MCPH1: variants seen among roughly 807,000 people sequenced by gnomAD.
MCPH1 encodes microcephalin 1, also known as microcephalin.
A neutral mutation model predicts 84.5 loss-of-function variants in MCPH1; 104 were observed. The observed-to-expected ratio is 1.23, with a 90% CI of 1.05 to 1.45. MCPH1 has a LOEUF of 1.45. Ranked by LOEUF, MCPH1 falls within the 40% of genes most tolerant of loss-of-function variation. The probability of loss-of-function intolerance (pLI) is 0.00; values close to 1 mark genes in which losing one functional copy is unlikely to be tolerated. For missense variants in MCPH1, 1,498 were observed against 1,005.7 expected (o/e 1.49, Z -6.62); for synonymous variants, 514 against 366.8 (o/e 1.40, Z -4.58).
intron 2 of MCPH1, among the ~76,000 whole-genome samples, chr8:6,413,061 C>T (rs901306403): frequency 8.5e-5 from 13 of 152,178 alleles, no homozygotes; most frequent in African/African-American, 3.1e-4. Flanking sequence ...AAAAATTATG[C>T]AGATGAGTTC....
chr8:6,488,629 C>A (rs1037866707), intron 11 of MCPH1, among the ~76,000 whole-genome samples: 7 of 152,098 alleles, frequency 4.6e-5, no homozygotes, highest in Admixed American at 3.9e-4. Flanking sequence ...AAGGCTGCAC[C>A]TTTGCAAGAA....
intron 12 of MCPH1, among the ~76,000 whole-genome samples, chr8:6,605,949 G>C (rs1563179571): frequency 6.6e-6 from 1 of 152,044 alleles, no homozygotes; most frequent in Non-Finnish European, 1.5e-5. Flanking sequence ...TACCCCCCTT[G>C]GCCCCCCAGA....
chr8:6,437,911 A>G (rs1802913355), intron 5 of MCPH1, among the ~76,000 whole-genome samples: 1 of 152,092 alleles, frequency 6.6e-6, no homozygotes, highest in South Asian at 2.1e-4. Context: ...CTGTCTCCTT[A>G]CAGTTCATCT....
intron 12 of MCPH1, among the ~76,000 whole-genome samples, chr8:6,607,387 T>C (rs1171424158): frequency 1.3e-5 from 2 of 152,240 alleles, no homozygotes; most frequent in African/African-American, 4.8e-5. Context: ...TTTGCCTGTT[T>C]CTGTGGGTCT....
At position 6,477,572 on chromosome 8, in the gene MCPH1, CCTT is replaced by C. The variant is rs2129559419; in HGVS notation, c.1936-18_1936-16del. The C allele has an allele frequency of 6.2e-7, 1 of 1,606,894 alleles. No homozygotes were observed. The highest frequency in any genetic ancestry group is 1.3e-5 in the African/African-American group (1 of 74,748). ...TTTATGTTTTTGACTGTTTTTTGTT[CCTT>C]CTTGTTTGAAATCTCTAGCCAACAA... On this transcript the variant is annotated intron_variant, in intron 9 of 13. Coordinates refer to ENST00000344683, the MANE Select transcript of MCPH1 (RefSeq NM_024596.5).
chr8:6,439,858 A>T (rs1803243245), intron 6 of MCPH1, among the ~76,000 whole-genome samples: 1 of 152,222 alleles, frequency 6.6e-6, no homozygotes, highest in Non-Finnish European at 1.5e-5. Context: ...GTAAAAGTTC[A>T]TCTTGATACC....
rs755458876 is a variant in MCPH1 at position 6,484,390 on chromosome 8, C to T, written c.2136+3514C>T. 1.0e-3 allele frequency among the ~76,000 whole-genome samples: 152 copies of T among 152,172 alleles called. 2 individuals are homozygous for T. The highest frequency in any genetic ancestry group is 4.1e-4 in the Non-Finnish European group (28 of 68,040). ...AATGGCTAAAAGAAAAAATAACAGT[C>T]GCACTCTAGCAAGGAGCCAGGGCAG... On this transcript the variant is annotated intron_variant, in intron 11 of 13. Transcript: ENST00000344683.
chr8:6,522,590 A>G (rs1212633790), intron 12 of MCPH1, among the ~76,000 whole-genome samples: 1 of 151,986 alleles, frequency 6.6e-6, no homozygotes, highest in Non-Finnish European at 1.5e-5. Flanking sequence ...GCTGGCCAAC[A>G]TGGTGAAACC....
At chr8:6,454,992 A>C (rs1315876042) in intron 8 of MCPH1, 151 bp from the exon 9 acceptor site, 4 of 659,800 alleles carry the variant, frequency 6.1e-6, no homozygotes, top group African/African-American at 3.6e-5. Flanking sequence ...TGAAAGTTCT[A>C]GATAGATCTC....
chr8:6,619,916 G>A (rs114773034), intron 12 of MCPH1, among the ~76,000 whole-genome samples: 2,420 of 152,304 alleles, frequency 0.016, 70 homozygotes, highest in African/African-American at 0.055. Flanking sequence ...TTGAATGTAT[G>A]TGTGTCCTAC....
At chr8:6,447,124 T>C (rs1804508289) in intron 8 of MCPH1, 1 of 985,464 alleles carries the variant, frequency 1.0e-6, no homozygotes, top group African/African-American at 1.7e-5. Flanking sequence ...CACTGGGTTC[T>C]AGGACATAAA....
chr8:6,484,780 T>G (rs1413086213), intron 11 of MCPH1, among the ~76,000 whole-genome samples: 2 of 152,214 alleles, frequency 1.3e-5, no homozygotes, highest in Non-Finnish European at 2.9e-5. Context: ...TCACATGCTG[T>G]ATAAGGCCAT....
rs192777656 is a variant in MCPH1, at chr8:6,445,529, C to G, written c.1807C>G (p.Pro603Ala). Residue 603 changes from proline to alanine, a missense_variant, in exon 8 of 14, where the codon CCC becomes GCC. Pro to Ala is a conservative substitution (Grantham distance 27). Coordinates refer to ENST00000344683, the MANE Select transcript of MCPH1 (RefSeq NM_024596.5). Reference sequence around the variant, plus strand: ...GTCTACAGAAGAGAAGGAAAACTTACCCGGAGGATACAGTGGAAGTATGTG... The same window carrying G: ...GTCTACAGAAGAGAAGGAAAACTTAGCCGGAGGATACAGTGGAAGTATGTG... ...ETSTEEKENL[P>A]GGYSGSVKNR... The G allele has an allele frequency of 5.0e-6, 8 of 1,604,878 alleles. No homozygotes were observed. Among genetic ancestry groups the G allele is most frequent in the Non-Finnish European group, 6.8e-6 (8 of 1,176,602 alleles).
intron 9 of MCPH1, chr8:6,477,245 A>G (rs1241332968): frequency 1.7e-5 from 4 of 241,238 alleles, no homozygotes; most frequent in Non-Finnish European, 2.4e-5. Flanking sequence ...TGACGAGTCT[A>G]CAAAAACACC....
At chr8:6,632,865 G>T (rs1202183645) in intron 13 of MCPH1, among the ~76,000 whole-genome samples, 1 of 151,960 alleles carries the variant, frequency 6.6e-6, no homozygotes, top group Non-Finnish European at 1.5e-5. Flanking sequence ...GTCAAATTTG[G>T]TAGTGTGTTT....
At chr8:6,635,917 GC>G (rs1797514400) in intron 13 of MCPH1, among the ~76,000 whole-genome samples, 1 of 152,236 alleles carries the variant, frequency 6.6e-6, no homozygotes, top group Non-Finnish European at 1.5e-5. Flanking sequence ...CTCTGCTGAT[GC>G]CACTGGCTGC....
At chr8:6,620,504 AC>A (rs1831300972) in intron 12 of MCPH1, among the ~76,000 whole-genome samples, 1 of 151,826 alleles carries the variant, frequency 6.6e-6, no homozygotes, top group Admixed American at 6.6e-5. Context: ...GACTGAGAGG[AC>A]CCCGACGTCA....
At chr8:6,421,922 T>C (rs1259889177) in intron 3 of MCPH1, among the ~76,000 whole-genome samples, 2 of 152,344 alleles carry the variant, frequency 1.3e-5, no homozygotes, top group African/African-American at 4.8e-5. Flanking sequence ...CTGAGAACTC[T>C]GCCCCGTCTT....
At chr8:6,438,785 A>T (rs1041216294) in intron 5 of MCPH1, among the ~76,000 whole-genome samples, 168 bp from the exon 6 acceptor site, 1 of 152,202 alleles carries the variant, frequency 6.6e-6, no homozygotes, top group African/African-American at 2.4e-5. Context: ...TAGCAGCAAC[A>T]TCACTGCCTG....
Sources: allele counts gnomAD v4.1 joint callset (sites outside exome capture counted in the v4.1 genomes callset), GRCh38; gene constraint gnomAD v4.1.1; transcripts MANE v1.5; gene names NCBI Gene and HGNC (gene_info 2026-07-23, HGNC 2026-07-21).